The following STAG1 variants were observed in gnomAD, a reference collection of about 807,000 sequenced individuals.
The protein encoded by STAG1 is cohesin subunit SA-1.
STAG1 carries 26 observed loss-of-function variants against 170.9 expected under a neutral mutation model. That is an observed-to-expected ratio of 0.15 (90% CI 0.11 to 0.21). The LOEUF is 0.21. Among genes scored for constraint, STAG1 ranks in the 10% least tolerant of loss-of-function variants. The probability of loss-of-function intolerance (pLI) is 1.00; values close to 1 mark genes in which losing one functional copy is unlikely to be tolerated. For synonymous variants in STAG1, 514 were observed against 497.7 expected (o/e 1.03, Z -0.44); for missense variants, 964 against 1,509.5 (o/e 0.64, Z 5.99).
intron 1 of STAG1, among the ~76,000 whole-genome samples, chr3:136,632,782 G>C (rs1488042399): frequency 1.3e-5 from 2 of 152,076 alleles, no homozygotes; most frequent in East Asian, 3.9e-4. Context: ...ATTGATCTTT[G>C]AGCTCTGTGC....
At chr3:136,615,424 CAAAAAAAAAAAAAAA>C (rs35713077) in intron 3 of STAG1, among the ~76,000 whole-genome samples, 7 of 33,250 alleles carry the variant, frequency 2.1e-4, no homozygotes, top group South Asian at 1.7e-3. Flanking sequence ...AGACTTTGTC[CAAAAAAAAAAAAAAA>C]AAAAAAAAAA....
At chr3:136,496,636 C>T (rs903022591) in intron 9 of STAG1, among the ~76,000 whole-genome samples, 1 of 152,018 alleles carries the variant, frequency 6.6e-6, no homozygotes, top group Non-Finnish European at 1.5e-5. Context: ...ATTTAGGACA[C>T]ATAGCTAAAG....
At chr3:136,468,437 C>T (rs1026917170) in intron 12 of STAG1, among the ~76,000 whole-genome samples, 1 of 152,162 alleles carries the variant, frequency 6.6e-6, no homozygotes, top group Non-Finnish European at 1.5e-5. Context: ...GACACATACA[C>T]CCTCCCAAGA....
chr3:136,646,931 A>G (rs898752245), intron 1 of STAG1, among the ~76,000 whole-genome samples: 1 of 152,076 alleles, frequency 6.6e-6, no homozygotes, highest in Non-Finnish European at 1.5e-5. Flanking sequence ...TATAATAATA[A>G]TAAAGTTTCA....
At chr3:136,491,053 TTC>T (rs1158897133) in intron 9 of STAG1, among the ~76,000 whole-genome samples, 1 of 152,212 alleles carries the variant, frequency 6.6e-6, no homozygotes, top group Non-Finnish European at 1.5e-5. Flanking sequence ...AATCTGAAGT[TTC>T]TGTTTAACTA....
chr3:136,466,531 T>C (rs1212037326), intron 12 of STAG1, among the ~76,000 whole-genome samples: 1 of 152,148 alleles, frequency 6.6e-6, no homozygotes, highest in Non-Finnish European at 1.5e-5. Context: ...GTCGGATTGG[T>C]GTACCTGAAA....
At chr3:136,720,053 G>T (rs1384760690) in intron 1 of STAG1, among the ~76,000 whole-genome samples, 1 of 151,776 alleles carries the variant, frequency 6.6e-6, no homozygotes, top group Non-Finnish European at 1.5e-5. Flanking sequence ...GTGCATACTT[G>T]TAATCCCAGC....
chr3:136,694,345 A>G (rs951826508), intron 1 of STAG1, among the ~76,000 whole-genome samples: 7 of 152,170 alleles, frequency 4.6e-5, no homozygotes, highest in African/African-American at 1.7e-4. Context: ...GCTGGGTGCA[A>G]TAACTCATGC....
chr3:136,478,510 G>A (rs888482632), intron 9 of STAG1, among the ~76,000 whole-genome samples: 1 of 151,972 alleles, frequency 6.6e-6, no homozygotes, highest in South Asian at 2.1e-4. Flanking sequence ...CAATCTTCAA[G>A]GTTTCTGATT....
At chr3:136,561,421 A>G (rs1471694782) in intron 5 of STAG1, among the ~76,000 whole-genome samples, 1 of 152,166 alleles carries the variant, frequency 6.6e-6, no homozygotes, top group African/African-American at 2.4e-5. Flanking sequence ...GATGCACTGG[A>G]AATTTATCCT....
At chr3:136,542,024 C>A (rs931882762) in intron 6 of STAG1, 95 bp downstream of exon 6, 8 of 916,104 alleles carry the variant, frequency 8.7e-6, no homozygotes, top group African/African-American at 6.6e-5. Flanking sequence ...TTCAGTTACA[C>A]TAAACATCAA....
intron 1 of STAG1, among the ~76,000 whole-genome samples, chr3:136,708,676 A>G (rs1460908783): frequency 8.5e-5 from 13 of 152,306 alleles, no homozygotes; most frequent in Non-Finnish European, 1.9e-4. Flanking sequence ...AGTATCAAAC[A>G]CTAATATGAA....
chr3:136,524,943 G>A (rs1934917130), intron 6 of STAG1, among the ~76,000 whole-genome samples: 1 of 152,186 alleles, frequency 6.6e-6, no homozygotes, highest in African/African-American at 2.4e-5. Context: ...CAGGGATGAA[G>A]CCCACTTGAT....
At chr3:136,735,016 C>T (rs1934256257) in intron 1 of STAG1, among the ~76,000 whole-genome samples, 1 of 152,110 alleles carries the variant, frequency 6.6e-6, no homozygotes, top group Non-Finnish European at 1.5e-5. Flanking sequence ...AACCTAGGAA[C>T]CAAACTCCCC....
intron 14 of STAG1, among the ~76,000 whole-genome samples, chr3:136,449,900 C>CTTT (rs34077581): frequency 3.1e-4 from 39 of 126,530 alleles, no homozygotes; most frequent in Non-Finnish European, 4.2e-4. Context: ...ACTATTGTTG[C>CTTT]TTTTTTTTTT....
At chr3:136,557,573 C>T (rs1011504862) in intron 5 of STAG1, among the ~76,000 whole-genome samples, 1 of 152,056 alleles carries the variant, frequency 6.6e-6, no homozygotes, top group African/African-American at 2.4e-5. Context: ...GATGGAGTCA[C>T]ACTCTGTTGC....
chr3:136,581,522 T>C (rs1377208416), intron 4 of STAG1, among the ~76,000 whole-genome samples: 1 of 152,194 alleles, frequency 6.6e-6, no homozygotes, highest in Non-Finnish European at 1.5e-5. Flanking sequence ...AAATGACAAA[T>C]AATGTATTTA....
intron 22 of STAG1, among the ~76,000 whole-genome samples, chr3:136,392,557 C>A (rs945431374): frequency 1.3e-5 from 2 of 151,810 alleles, no homozygotes; most frequent in Non-Finnish European, 2.9e-5. Flanking sequence ...ACAAGGTCAG[C>A]AGATCGAGAC....
In STAG1 at chr3:136,337,282, T is replaced by C. The variant is rs753693909; in HGVS notation, c.*972A>G. On this transcript the variant is annotated 3_prime_UTR_variant, in exon 34 of 34. Transcript: ENST00000383202. Reference sequence around the variant, plus strand: ...TACACTTAAAATTACTTTTGAATGATTGATAAAGGATTTCTTCATGATTGA... The same window carrying C: ...TACACTTAAAATTACTTTTGAATGACTGATAAAGGATTTCTTCATGATTGA... The C allele has an allele frequency of 1.2e-4, 19 of 152,608 alleles. No homozygotes were observed. Among genetic ancestry groups the C allele is most frequent in the Admixed American group, 2.0e-4 (3 of 15,266 alleles). 9.5% of individuals were successfully genotyped at this position (152,608 alleles called of 1,614,324 possible).
Sources: allele counts gnomAD v4.1 joint callset (sites outside exome capture counted in the v4.1 genomes callset), GRCh38; gene constraint gnomAD v4.1.1; transcripts MANE v1.5; gene names NCBI Gene and HGNC (gene_info 2026-07-23, HGNC 2026-07-21).